Variants in ZFYVE27 observed in about 807,000 individuals in gnomAD.
ZFYVE27 encodes the protein zinc finger FYVE-type containing 27.
In ZFYVE27, 36 loss-of-function variants were observed where a neutral mutation model predicts 52.8. The ratio of observed to expected loss-of-function variants is 0.68; its 90% CI spans 0.52 to 0.90. ZFYVE27 has a LOEUF of 0.90. ZFYVE27 is among the 40% of genes least tolerant of loss of function. The pLI, the probability that ZFYVE27 is intolerant of heterozygous loss-of-function variation, is 0.00. For missense variants in ZFYVE27, 450 were observed against 527.2 expected (o/e 0.85, Z 1.43); for synonymous variants, 223 against 215.6 (o/e 1.03, Z -0.30).
Position 97,753,149 on chromosome 10 carries a change from C to T in ZFYVE27, c.1009C>T (p.Arg337Trp), listed in dbSNP as rs2047433155. ...LRSKVSRLTE[R>W]LRKRYPTNNF... ...CAGCAAGGTGTCTCGGCTCACGGAG[C>T]GGCTCCGCAAGCGCTACCCCACCAA... The change falls in exon 10 of 13, where the codon CGG (arginine) becomes TGG (tryptophan). Residue 337 changes from arginine to tryptophan, a missense_variant. Coordinates refer to ENST00000684270, the MANE Select transcript of ZFYVE27 (RefSeq NM_001385875.1). 5 of 1,611,298 alleles carry T rather than the reference C, an allele frequency of 3.1e-6. No homozygotes were observed. The highest frequency in any genetic ancestry group is 2.7e-5 in the African/African-American group (2 of 74,760).
chr10:97,757,490 G>A, intron 11 of ZFYVE27, 152 bp from the exon 12 acceptor site: 1 of 1,218,886 alleles, frequency 8.2e-7, no homozygotes, highest in South Asian at 1.2e-5. Flanking sequence ...CCTCCCCAGG[G>A]GGTATTCCAT....
intron 4 of ZFYVE27, among the ~76,000 whole-genome samples, chr10:97,745,239 C>A (rs11189350): frequency 0.65 from 98,563 of 151,288 alleles, 32,934 homozygotes; most frequent in Middle Eastern, 0.74. Flanking sequence ...TGCAGTGACG[C>A]AATCTCGGCT....
intron 2 of ZFYVE27, 42 bp downstream of exon 2, chr10:97,738,716 G>C (rs761622947): frequency 2.5e-6 from 4 of 1,610,094 alleles, no homozygotes. Context: ...TCTGCCTTCT[G>C]CCGTCCTGCT....
At position 97,752,853 on chromosome 10, in the gene ZFYVE27, G is replaced by T; in HGVS notation, c.877-4G>T. The T allele has an allele frequency of 2.5e-6, 4 of 1,613,584 alleles. No homozygotes were observed. Among genetic ancestry groups the T allele is most frequent in the Non-Finnish European group, 3.4e-6 (4 of 1,179,886 alleles). On this transcript the variant is annotated splice_polypyrimidine_tract_variant and splice_region_variant and intron_variant, in intron 8 of 12. Coordinates refer to ENST00000684270, the MANE Select transcript of ZFYVE27 (RefSeq NM_001385875.1). ...TCTCCTCTTCCCCGCACCTTGGGAG[G>T]CAGGAGACCCACTTGGTGGTGCTGG...
chr10:97,756,466 T>C (rs1024702018), intron 10 of ZFYVE27, among the ~76,000 whole-genome samples: 1 of 152,190 alleles, frequency 6.6e-6, no homozygotes, highest in African/African-American at 2.4e-5. Flanking sequence ...GGCCTGGTGC[T>C]CTGTACTTGC....
chr10:97,755,353 C>T (rs1043047518), intron 10 of ZFYVE27, among the ~76,000 whole-genome samples: 9 of 152,156 alleles, frequency 5.9e-5, no homozygotes, highest in African/African-American at 1.4e-4. Context: ...GCGACTATAA[C>T]GAAATACACT....
chr10:97,749,498 A>T lies in ZFYVE27; in HGVS notation c.576A>T (p.Thr192=), dbSNP rs2046362457. The change falls in exon 6 of 13, where the codon ACA becomes ACT. Residue 192 remains threonine, a synonymous_variant. Transcript: ENST00000684270. ...SSQFYGALLG[T]VCMLYLLPLC... ...GGTTCTATGGGGCTCTTCTGGGCAC[A>T]GTCTGCATGCTGTATTTGCTGCCAC... 1 of 1,614,034 alleles carries T rather than the reference A, an allele frequency of 6.2e-7. No individual in the cohort carries two copies. The highest frequency in any genetic ancestry group is 1.3e-5 in the African/African-American group (1 of 74,902).
At chr10:97,753,008 G>T in intron 9 of ZFYVE27, 30 bp from the exon 10 acceptor site, 1 of 1,612,804 alleles carries the variant, frequency 6.2e-7, no homozygotes, top group Non-Finnish European at 8.5e-7. Context: ...TGCAAGAGGT[G>T]GGCAGGACTG....
intron 3 of ZFYVE27, among the ~76,000 whole-genome samples, chr10:97,743,478 G>C (rs1259162056): frequency 6.6e-6 from 1 of 152,234 alleles, no homozygotes; most frequent in African/African-American, 2.4e-5. Context: ...ACTTAGCACA[G>C]TGCCTGGCGT....
chr10:97,756,625 C>T (rs2048399974), intron 10 of ZFYVE27, among the ~76,000 whole-genome samples: 1 of 152,210 alleles, frequency 6.6e-6, no homozygotes. Flanking sequence ...TTGCCGGGCA[C>T]TTGGCCATCT....
chr10:97,752,314 C>T (rs2047194932), intron 8 of ZFYVE27, among the ~76,000 whole-genome samples: 1 of 152,204 alleles, frequency 6.6e-6, no homozygotes. Context: ...CTGTGATTTA[C>T]CCCAACTCAC....
intron 6 of ZFYVE27, chr10:97,750,077 G>T: frequency 1.9e-6 from 1 of 524,620 alleles, no homozygotes; most frequent in Non-Finnish European, 3.4e-6. Flanking sequence ...CCCTGTGGTA[G>T]AGTTATTTAT....
At chr10:97,754,792 C>T (rs1305245933) in intron 10 of ZFYVE27, 1 of 1,289,390 alleles carries the variant, frequency 7.8e-7, no homozygotes, top group Admixed American at 2.3e-5. Flanking sequence ...CCCGGTAACA[C>T]TACACACAAG....
At chr10:97,739,554 T>C (rs1053969678) in intron 2 of ZFYVE27, among the ~76,000 whole-genome samples, 7 of 152,232 alleles carry the variant, frequency 4.6e-5, no homozygotes, top group Admixed American at 4.6e-4. Context: ...TAAGGACATT[T>C]CTTTCAAGAT....
chr10:97,745,760 A>G (rs866200034), intron 4 of ZFYVE27, among the ~76,000 whole-genome samples: 3 of 152,178 alleles, frequency 2.0e-5, no homozygotes, highest in African/African-American at 7.2e-5. Flanking sequence ...CGTAAACATG[A>G]CAGAGCTGGT....
chr10:97,744,661 G>A, intron 3 of ZFYVE27, 68 bp from the exon 4 acceptor site: 1 of 1,583,222 alleles, frequency 6.3e-7, no homozygotes, highest in Non-Finnish European at 8.6e-7. Context: ...ACAAGCAGTG[G>A]GCGTCTGGGT....
At chr10:97,757,933 T>C in intron 12 of ZFYVE27, 1 of 570,088 alleles carries the variant, frequency 1.8e-6, no homozygotes, top group African/African-American at 1.9e-5. Flanking sequence ...TTGTGAAGGG[T>C]AATAACAAGA....
chr10:97,740,296 C>T (rs897171100), intron 2 of ZFYVE27, among the ~76,000 whole-genome samples: 7 of 152,196 alleles, frequency 4.6e-5, no homozygotes, highest in African/African-American at 1.4e-4. Context: ...TGTCTGTATC[C>T]GTAGAGGTGA....
At chr10:97,753,898 G>T (rs1265386103) in intron 10 of ZFYVE27, among the ~76,000 whole-genome samples, 1 of 152,218 alleles carries the variant, frequency 6.6e-6, no homozygotes, top group Non-Finnish European at 1.5e-5. Context: ...ACTGAGGGTC[G>T]GGGGAGAGCG....
Sources: allele counts gnomAD v4.1 joint callset (sites outside exome capture counted in the v4.1 genomes callset), GRCh38; gene constraint gnomAD v4.1.1; transcripts MANE v1.5; gene names NCBI Gene and HGNC (gene_info 2026-07-23, HGNC 2026-07-21).